The following NFATC2IP variants were observed in gnomAD, a reference collection of about 807,000 sequenced individuals.
NFATC2IP encodes the protein nuclear factor of activated T cells 2 interacting protein, also known as NFATC2-interacting protein.
In NFATC2IP, 25 loss-of-function variants were observed where a neutral mutation model predicts 40.2. The ratio of observed to expected loss-of-function variants is 0.62; its 90% CI spans 0.45 to 0.87. NFATC2IP has a LOEUF of 0.87. NFATC2IP is among the 40% of genes least tolerant of loss of function. NFATC2IP has a pLI of 0.00. For synonymous variants in NFATC2IP, 241 were observed against 236.3 expected (o/e 1.02, Z -0.18); for missense variants, 553 against 555.6 (o/e 1.00, Z 0.05).
Position 28,954,390 on chromosome 16 carries a change from G to T in NFATC2IP, c.461-175G>T, listed in dbSNP as rs188493918. Among the ~76,000 whole-genome samples the T allele has an allele frequency of 1.1e-3, 174 of 152,200 alleles. 1 individual carries two copies. The highest frequency in any genetic ancestry group is 4.1e-3 in the African/African-American group (169 of 41,520). ...ATATGAGCTATCTTTATACTAAATA[G>T]CAGTCTCATCCCCTGCCCCCTTTCC... On this transcript the variant is annotated intron_variant, in intron 2 of 7. Coordinates refer to ENST00000320805, the MANE Select transcript of NFATC2IP (RefSeq NM_032815.4).
In NFATC2IP at chr16:28,952,450, G is replaced by A. The variant is rs997439495; in HGVS notation, c.460+246G>A. 4 of 513,312 alleles carry A rather than the reference G, an allele frequency of 7.8e-6. No individual in the cohort carries two copies. The Admixed American group carries it at 1.1e-4, about 15-fold the overall frequency. 31.8% of individuals were successfully genotyped at this position (513,312 alleles called of 1,614,324 possible). On this transcript the variant is annotated intron_variant, in intron 2 of 7. Transcript: ENST00000320805. ...TCCTGGGCGGGGCAGGAGGCGGTAAGGTGTTGAGAATCTGTGACATCTTGT... is the reference window on the plus strand; with the variant it reads ...TCCTGGGCGGGGCAGGAGGCGGTAAAGTGTTGAGAATCTGTGACATCTTGT...
intron 2 of NFATC2IP, among the ~76,000 whole-genome samples, chr16:28,953,735 T>C (rs1391086635): frequency 6.6e-6 from 1 of 151,800 alleles, no homozygotes; most frequent in East Asian, 1.9e-4. Context: ...CTGCGCAACA[T>C]GATGAGACCC....
At chr16:28,957,357 T>C (rs1022356630) in intron 5 of NFATC2IP, among the ~76,000 whole-genome samples, 24 of 149,836 alleles carry the variant, frequency 1.6e-4, no homozygotes, top group African/African-American at 4.9e-4. Context: ...AACATAGAGA[T>C]GGGGGCCAGG....
intron 2 of NFATC2IP, chr16:28,952,429 G>C (rs1014938908): frequency 1.6e-6 from 1 of 624,956 alleles, no homozygotes. Flanking sequence ...CTGTAGTCCT[G>C]GGCGGGGCAG....
chr16:28,961,339 A>G (rs1965084646), intron 7 of NFATC2IP, among the ~76,000 whole-genome samples: 1 of 151,002 alleles, frequency 6.6e-6, no homozygotes, highest in Admixed American at 6.6e-5. Context: ...AAAAAAAAAA[A>G]AAAAAAAAAA....
At chr16:28,955,295 G>C (rs933295137) in intron 3 of NFATC2IP, among the ~76,000 whole-genome samples, 4 of 152,138 alleles carry the variant, frequency 2.6e-5, no homozygotes, top group African/African-American at 9.7e-5. Flanking sequence ...GTTAACACTT[G>C]GCTAGGCACA....
chr16:28,951,350 G>A lies in NFATC2IP; in HGVS notation c.339G>A (p.Leu113=). Residue 113 remains leucine (L), a synonymous_variant, in exon 1 of 8, where the codon CTG becomes CTA. Coordinates refer to ENST00000320805, the MANE Select transcript of NFATC2IP (RefSeq NM_032815.4). ...PREPVRRRRR[L]VLDPGEAPLV... ...AGCCGGTCAGGCGGCGGCGGCGGCT[G>A]GTGCTGGATCCGGGGGAGGCGCCGC... 1 of 1,418,888 alleles carries A rather than the reference G, an allele frequency of 7.0e-7. No individual in the cohort carries two copies. The highest frequency in any genetic ancestry group is 9.2e-7 in the Non-Finnish European group (1 of 1,087,898). 87.9% of individuals were successfully genotyped at this position (1,418,888 alleles called of 1,614,324 possible).
rs1435278299 is a variant in NFATC2IP at position 28,965,574 on chromosome 16, TCCC to T, written c.*1712_*1714del. 6.6e-6 allele frequency: 1 copy of T among 152,044 alleles called. No homozygotes were observed. Among genetic ancestry groups the T allele is most frequent in the Non-Finnish European group, 1.5e-5 (1 of 68,068 alleles). The allele number at this position is 152,044 out of a possible 1,614,324, so 9.4% of individuals were successfully genotyped here. ...TGGGCATGGTGGCGCACACCTGTAG[TCCC>T]AGCTACTCTGGAGGCTGAGGCAGGG... is the stretch of plus-strand genomic sequence containing the variant. On this transcript the variant is annotated 3_prime_UTR_variant, in exon 8 of 8. Coordinates refer to ENST00000320805, the MANE Select transcript of NFATC2IP (RefSeq NM_032815.4).
intron 1 of NFATC2IP, 138 bp downstream of exon 1, chr16:28,951,536 T>A: frequency 3.5e-6 from 3 of 868,774 alleles, no homozygotes; most frequent in Non-Finnish European, 3.1e-6. Context: ...CGTTAGGGTG[T>A]TGGAGGCAGG....
rs947927560 is a variant in NFATC2IP at position 28,959,011 on chromosome 16, T to A, written c.1012T>A (p.Ser338Thr). 2 of 1,613,720 alleles carry A rather than the reference T, an allele frequency of 1.2e-6. No homozygotes were observed. The highest frequency in any genetic ancestry group is 2.7e-5 in the African/African-American group (2 of 74,864). The change falls in exon 7 of 8, where the codon TCT (serine) becomes ACT (threonine). Residue 338 changes from serine to threonine, a missense_variant. By Grantham distance (58) the Ser-to-Thr change is moderately conservative. Coordinates refer to ENST00000320805, the MANE Select transcript of NFATC2IP (RefSeq NM_032815.4). ...DIIDCVVLTS[S>T]PEATETSQQL... is the part of the protein sequence containing the mutation. ...CACAGACTGTGTGGTACTAACAAGT[T>A]CTCCAGAGGCCACAGAGACGTCCCA... is the stretch of plus-strand genomic sequence containing the variant.
chr16:28,958,641 T>G, intron 5 of NFATC2IP, 76 bp from the exon 6 acceptor site: 2 of 1,233,642 alleles, frequency 1.6e-6, no homozygotes, highest in Non-Finnish European at 2.3e-6. Context: ...GGCCAGAGCT[T>G]GTGTTTGGGT....
At chr16:28,961,899 CAAA>C (rs1161300546) in intron 7 of NFATC2IP, among the ~76,000 whole-genome samples, 696 of 49,106 alleles carry the variant, frequency 0.014, 7 homozygotes, top group African/African-American at 0.039. Flanking sequence ...GACTTCGTCT[CAAA>C]AAAAAAAAAA....
chr16:28,963,341 A>G (rs570335218), intron 7 of NFATC2IP, among the ~76,000 whole-genome samples: 2 of 152,276 alleles, frequency 1.3e-5, no homozygotes, highest in African/African-American at 2.4e-5. Flanking sequence ...AGCTCGACTC[A>G]TCCTCACTCT....
In NFATC2IP at chr16:28,950,999, A is replaced by G; in HGVS notation, c.-13A>G. The G allele has an allele frequency of 2.0e-6, 3 of 1,491,234 alleles. No individual in the cohort carries two copies. The highest frequency in any genetic ancestry group is 2.7e-6 in the Non-Finnish European group (3 of 1,125,990). 92.4% of individuals were successfully genotyped at this position (1,491,234 alleles called of 1,614,324 possible). A position where few individuals can be genotyped will look rare whatever the true frequency, so the allele number is the denominator to read the frequency against. On this transcript the variant is annotated 5_prime_UTR_variant, in exon 1 of 8. Transcript: ENST00000320805. ...GAGAGGAGGCGGGCGTGTGTTGTGG[A>G]GGAAAGTGTGCCATGGCGGAGCCTG...
chr16:28,951,407 G>A lies in NFATC2IP; in HGVS notation c.387+9G>A, dbSNP rs1964965325. ...CGGTGTACTCGGGGAAGGTGCGCCC[G>A]GTCCCGGGGAGGGGACCGGCGGAAG... is the stretch of plus-strand genomic sequence containing the variant. On this transcript the variant is annotated intron_variant, in intron 1 of 7. Coordinates refer to ENST00000320805, the MANE Select transcript of NFATC2IP (RefSeq NM_032815.4). The A allele has an allele frequency of 2.2e-6, 3 of 1,385,502 alleles. No individual in the cohort carries two copies. Among genetic ancestry groups the A allele is most frequent in the African/African-American group, 1.5e-5 (1 of 65,250 alleles). 85.8% of individuals were successfully genotyped at this position (1,385,502 alleles called of 1,614,324 possible). A position where few individuals can be genotyped will look rare whatever the true frequency, so the allele number is the denominator to read the frequency against.
rs753769689 is a variant in NFATC2IP at position 28,952,137 on chromosome 16, A to G, written c.393A>G (p.Lys131=). 2 of 1,613,910 alleles carry G rather than the reference A, an allele frequency of 1.2e-6. No homozygotes were observed. The change falls in exon 2 of 8, where the codon AAA becomes AAG. Residue 131 remains lysine, a synonymous_variant. Transcript: ENST00000320805. ...PLVPVYSGKV[K]SSLRLIPDDL... is the part of the protein sequence containing the mutation. ...TCCCTTCTTTGTCTTTGCAGGTTAA[A>G]AGCAGCCTTCGCCTTATCCCAGATG...
intron 2 of NFATC2IP, chr16:28,952,533 T>C: frequency 3.3e-6 from 1 of 307,170 alleles, no homozygotes; most frequent in Non-Finnish European, 6.1e-6. Context: ...CTCTGAATCT[T>C]ATCAGGGATG....
At position 28,951,028 on chromosome 16, in the gene NFATC2IP, G is replaced by T; in HGVS notation, c.17G>T (p.Gly6Val). 1 of 1,526,206 alleles carries T rather than the reference G, an allele frequency of 6.6e-7. No individual in the cohort carries two copies. The highest frequency in any genetic ancestry group is 2.4e-5 in the East Asian group (1 of 41,910). 94.5% of individuals were successfully genotyped at this position (1,526,206 alleles called of 1,614,324 possible). Residue 6 changes from glycine (G) to valine (V), a missense_variant, in exon 1 of 8, where the codon GGG (glycine) becomes GTG (valine). Gly to Val is a moderately radical substitution (Grantham distance 109). Coordinates refer to ENST00000320805, the MANE Select transcript of NFATC2IP (RefSeq NM_032815.4). MAEPV[G>V]KRGRWSGGSG... ...AAGTGTGCCATGGCGGAGCCTGTGG[G>T]GAAGCGGGGCCGCTGGTCCGGAGGT...
At chr16:28,951,651 A>G (rs1964968874) in intron 1 of NFATC2IP, among the ~76,000 whole-genome samples, 1 of 151,906 alleles carries the variant, frequency 6.6e-6, no homozygotes, top group Admixed American at 6.6e-5. Flanking sequence ...GGGCACAGGG[A>G]GGCTGAAGAG....
Sources: allele counts gnomAD v4.1 joint callset (sites outside exome capture counted in the v4.1 genomes callset), GRCh38; gene constraint gnomAD v4.1.1; transcripts MANE v1.5; gene names NCBI Gene and HGNC (gene_info 2026-07-23, HGNC 2026-07-21).